The following GOLM1 variants were observed in gnomAD, a reference collection of about 807,000 sequenced individuals.
GOLM1 encodes epididymis luminal protein 46.
In GOLM1, 31 loss-of-function variants were observed where a neutral mutation model predicts 50.5. The observed-to-expected ratio is 0.61, with a 90% CI of 0.46 to 0.83. The LOEUF is 0.83. Ranked by LOEUF, GOLM1 falls within the 40% of genes least tolerant of loss-of-function variation. GOLM1 has a pLI of 0.00. For missense variants in GOLM1, 491 were observed against 501.3 expected, an observed-to-expected ratio of 0.98 and a Z score of 0.20; for synonymous variants, 178 against 192.8, an observed-to-expected ratio of 0.92 and a Z score of 0.64.
chr9:86,040,771 C>G lies in GOLM1; in HGVS notation c.565G>C (p.Asp189His). ...KKGNEAVASR[D>H]LSENNDQRQQ... ...CTCTGGTCGTTGTTTTCACTCAGGT[C>G]TCTGGAAGCTACAGCTTCATTCCCC... The change falls in exon 6 of 10, where the codon GAC becomes CAC. Residue 189 changes from aspartate (D) to histidine (H), a missense_variant. Asp to His is a moderately conservative substitution (Grantham distance 81). Coordinates refer to ENST00000388712, the MANE Select transcript of GOLM1 (RefSeq NM_016548.4). The G allele has an allele frequency of 1.2e-6, 2 of 1,614,010 alleles. No homozygotes were observed. The highest frequency in any genetic ancestry group is 1.3e-5 in the African/African-American group (1 of 75,044).
rs560356624 is a variant in GOLM1, at chr9:86,068,832, T to G, written c.309+8580A>C. Among the ~76,000 whole-genome samples, 4 of 152,338 alleles carry G rather than the reference T, an allele frequency of 2.6e-5. No individual in the cohort carries two copies. The East Asian group carries it at 5.8e-4, about 22-fold the overall frequency. ...TCAAAACATAGTTACCAGTCCCAAC[T>G]GGGTATCAGGGAAGTCTACAGAAGC... On this transcript the variant is annotated intron_variant, in intron 3 of 9. Transcript: ENST00000388712.
intron 1 of GOLM1, among the ~76,000 whole-genome samples, chr9:86,088,330 T>C (rs7852954): frequency 0.22 from 33,078 of 148,568 alleles, 6,155 homozygotes; most frequent in East Asian, 0.51. Flanking sequence ...TCTTCTCTCT[T>C]TTCTTCTTTA....
chr9:86,038,483 C>CA (rs1163156451), intron 6 of GOLM1, among the ~76,000 whole-genome samples: 2 of 152,156 alleles, frequency 1.3e-5, no homozygotes, highest in African/African-American at 4.8e-5. Flanking sequence ...TCTAGACTTC[C>CA]ACGTGGGAGA....
intron 1 of GOLM1, among the ~76,000 whole-genome samples, chr9:86,096,310 C>T (rs914774268): frequency 6.6e-6 from 1 of 151,780 alleles, no homozygotes; most frequent in Non-Finnish European, 1.5e-5. Context: ...TACATATTAT[C>T]TGTGGCTACT....
intron 3 of GOLM1, among the ~76,000 whole-genome samples, chr9:86,066,084 C>T (rs984540157): frequency 5.3e-5 from 8 of 152,138 alleles, no homozygotes; most frequent in African/African-American, 1.9e-4. Context: ...CACTCTGAAA[C>T]TCTCAAGTAG....
At chr9:86,078,525 G>C (rs373089563) in intron 2 of GOLM1, among the ~76,000 whole-genome samples, 8 of 152,258 alleles carry the variant, frequency 5.3e-5, no homozygotes, top group Middle Eastern at 3.4e-3. Flanking sequence ...TCAAGGATCA[G>C]GGGTAGAAGG....
intron 1 of GOLM1, among the ~76,000 whole-genome samples, chr9:86,083,990 A>AG (rs1834871376): frequency 1.3e-5 from 2 of 152,304 alleles, no homozygotes; most frequent in South Asian, 4.1e-4. Context: ...GTGCTGTCCT[A>AG]GATCCTCCTG....
intron 4 of GOLM1, among the ~76,000 whole-genome samples, chr9:86,047,414 G>A (rs11141191): frequency 7.9e-5 from 12 of 152,294 alleles, no homozygotes; most frequent in East Asian, 7.7e-4. Context: ...AAATGGAAGC[G>A]TTCCGTGAAT....
At chr9:86,060,393 A>G (rs1834118932) in intron 3 of GOLM1, among the ~76,000 whole-genome samples, 1 of 152,102 alleles carries the variant, frequency 6.6e-6, no homozygotes, top group Non-Finnish European at 1.5e-5. Flanking sequence ...ACACACTCAC[A>G]CACTCATTCA....
At chr9:86,037,068 A>C (rs899135131) in intron 6 of GOLM1, among the ~76,000 whole-genome samples, 7 of 152,272 alleles carry the variant, frequency 4.6e-5, no homozygotes, top group Non-Finnish European at 8.8e-5. Flanking sequence ...AAATTAAACA[A>C]CACACTCCTA....
chr9:86,056,362 A>G (rs1164112635), intron 3 of GOLM1, among the ~76,000 whole-genome samples: 1 of 151,714 alleles, frequency 6.6e-6, no homozygotes, highest in Non-Finnish European at 1.5e-5. Flanking sequence ...TTTATATATA[A>G]TTTTATATTT....
At chr9:86,034,767 A>ACT (rs1833082937) in intron 8 of GOLM1, among the ~76,000 whole-genome samples, 1 of 152,306 alleles carries the variant, frequency 6.6e-6, no homozygotes, top group East Asian at 1.9e-4. Flanking sequence ...TGTCCTCAGA[A>ACT]GTGTTCCTGG....
At chr9:86,066,566 A>C (rs2118807591) in intron 3 of GOLM1, among the ~76,000 whole-genome samples, 1 of 152,372 alleles carries the variant, frequency 6.6e-6, no homozygotes, top group African/African-American at 2.4e-5. Flanking sequence ...TGTTGCTAAA[A>C]CATTACCTTT....
intron 6 of GOLM1, among the ~76,000 whole-genome samples, chr9:86,039,581 A>G (rs556889138): frequency 6.6e-6 from 1 of 152,336 alleles, no homozygotes; most frequent in Non-Finnish European, 1.5e-5. Flanking sequence ...CATGTGGTCT[A>G]TCCACAGGAT....
intron 1 of GOLM1, among the ~76,000 whole-genome samples, chr9:86,087,637 G>A (rs1835021163): frequency 6.6e-6 from 1 of 152,162 alleles, no homozygotes; most frequent in African/African-American, 2.4e-5. Context: ...TTTATTGAGA[G>A]TTTTTAGCAT....
intron 6 of GOLM1, 103 bp downstream of exon 6, chr9:86,040,636 A>G (rs895368758): frequency 1.5e-5 from 16 of 1,100,522 alleles, no homozygotes; most frequent in Non-Finnish European, 2.1e-5. Flanking sequence ...AAGCCCGCAA[A>G]GGAGGGCAGA....
chr9:86,074,660 C>T (rs1834557665), intron 3 of GOLM1, among the ~76,000 whole-genome samples: 1 of 152,170 alleles, frequency 6.6e-6, no homozygotes, highest in African/African-American at 2.4e-5. Flanking sequence ...AGCTTCCATT[C>T]ACTAATAATA....
chr9:86,080,338 T>A (rs747109463), intron 1 of GOLM1, among the ~76,000 whole-genome samples: 1 of 152,136 alleles, frequency 6.6e-6, no homozygotes, highest in Non-Finnish European at 1.5e-5. Context: ...ACAAGGAAAG[T>A]AGACTTTTCC....
At chr9:86,035,878 C>CAAAAAAAAAAAAAAAAAAAAAA (rs1212918413) in intron 7 of GOLM1, among the ~76,000 whole-genome samples, 1 of 101,548 alleles carries the variant, frequency 9.8e-6, no homozygotes, top group African/African-American at 4.6e-5. Flanking sequence ...AAAAAAAAAA[C>CAAAAAAAAAAAAAAAAAAAAAA]AAAACAAAAA....
Sources: gnomAD v4.1 joint callset for allele counts (sites outside exome capture counted in the v4.1 genomes callset) on GRCh38, gnomAD v4.1.1 for gene constraint, MANE v1.5 for transcripts, NCBI Gene and HGNC (gene_info 2026-07-23, HGNC 2026-07-21) for gene names.